The following LRRC8C variants were observed in gnomAD, a reference collection of about 807,000 sequenced individuals.
The protein encoded by LRRC8C is volume-regulated anion channel subunit LRRC8C.
A neutral mutation model predicts 55.3 loss-of-function variants in LRRC8C; 20 were observed. The observed-to-expected ratio is 0.36, with a 90% CI of 0.25 to 0.53. The LOEUF is 0.53. Among genes scored for constraint, LRRC8C ranks in the 20% least tolerant of loss-of-function variants. LRRC8C has a pLI of 0.92. For synonymous variants in LRRC8C, 376 were observed against 360.7 expected (o/e 1.04, Z -0.48); for missense variants, 659 against 951.4 (o/e 0.69, Z 4.04).
At chr1:89,703,878 A>G (rs1658400181) in intron 2 of LRRC8C, among the ~76,000 whole-genome samples, 1 of 152,112 alleles carries the variant, frequency 6.6e-6, no homozygotes, top group South Asian at 2.1e-4. Flanking sequence ...GAGTGAGCAA[A>G]ATAATGGATT....
At chr1:89,636,199 G>A (rs1402928349) in intron 1 of LRRC8C, among the ~76,000 whole-genome samples, 1 of 152,208 alleles carries the variant, frequency 6.6e-6, no homozygotes, top group African/African-American at 2.4e-5. Context: ...AATAGTGCAT[G>A]TAAAGGACAG....
At chr1:89,622,116 A>C in the LRRC8C span, among the ~76,000 whole-genome samples, 2 of 152,164 alleles carry the variant, frequency 1.3e-5, no homozygotes, top group Non-Finnish European at 2.9e-5. Context: ...GCAGTTTAAA[A>C]TACTGTGATG....
chr1:89,712,844 A>G lies in LRRC8C; in HGVS notation c.274A>G (p.Ile92Val). 1 of 1,614,098 alleles carries G rather than the reference A, an allele frequency of 6.2e-7. No individual in the cohort carries two copies. Among genetic ancestry groups the G allele is most frequent in the East Asian group, 2.2e-5 (1 of 44,882 alleles). ...PPPKPSPANP[I>V]TVEMKGLKTD... ...ACCTAAACCATCTCCTGCTAACCCC[A>G]TCACTGTGGAAATGAAAGGCCTGAA... The change falls in exon 3 of 3, where the codon ATC becomes GTC. Residue 92 changes from isoleucine to valine, a missense_variant. Ile to Val is a conservative substitution (Grantham distance 29). Around this residue, in one of 5 missense-constraint regions of LRRC8C, gnomAD observed 82 missense variants for 71.4 expected, o/e 1.15. Transcript: ENST00000370454.
intron 1 of LRRC8C, among the ~76,000 whole-genome samples, chr1:89,674,237 C>G (rs12119160): frequency 0.012 from 1,847 of 152,156 alleles, 15 homozygotes; most frequent in Non-Finnish European, 0.02. Flanking sequence ...TATAGATGTT[C>G]GGCACAATGT....
upstream of LRRC8C, among the ~76,000 whole-genome samples, chr1:89,629,074 C>T (rs997196969): frequency 2.0e-5 from 3 of 152,196 alleles, no homozygotes; most frequent in Admixed American, 2.0e-4. Flanking sequence ...CCACATTTGA[C>T]ATTACCTCTC....
chr1:89,659,820 T>C (rs1206392610), intron 1 of LRRC8C, among the ~76,000 whole-genome samples: 2 of 152,156 alleles, frequency 1.3e-5, no homozygotes, highest in Non-Finnish European at 2.9e-5. Context: ...TGCAAAAGTG[T>C]TACTGCTCAG....
intron 1 of LRRC8C, among the ~76,000 whole-genome samples, chr1:89,652,889 G>A (rs1255789685): frequency 6.6e-6 from 1 of 152,146 alleles, no homozygotes; most frequent in Non-Finnish European, 1.5e-5. Context: ...AGGAGGTGGG[G>A]AGACACAGAT....
At chr1:89,640,621 A>G (rs1462118295) in intron 1 of LRRC8C, among the ~76,000 whole-genome samples, 1 of 152,200 alleles carries the variant, frequency 6.6e-6, no homozygotes, top group Non-Finnish European at 1.5e-5. Flanking sequence ...GCTTATCAGT[A>G]AAGTTAGGAG....
intron 1 of LRRC8C, among the ~76,000 whole-genome samples, chr1:89,641,846 TG>T (rs1239272554): frequency 2.0e-5 from 3 of 152,250 alleles, no homozygotes; most frequent in African/African-American, 7.2e-5. Context: ...TTTATGGTCC[TG>T]GGCTTCTATA....
In LRRC8C at chr1:89,697,011, GA is replaced by G. The variant is rs558054098; in HGVS notation, c.138+10409del. 5.5e-3 allele frequency among the ~76,000 whole-genome samples: 832 copies of G among 150,870 alleles called. 2 individuals are homozygous for G. The highest frequency in any genetic ancestry group is 0.019 in the African/African-American group (800 of 41,168). On this transcript the variant is annotated intron_variant, in intron 2 of 2. Coordinates refer to ENST00000370454, the MANE Select transcript of LRRC8C (RefSeq NM_032270.5). The stretch of plus-strand genomic sequence containing the variant: ...ACTTCTAAAAATTATAATAATGATT[GA>G]AAAAAAAATCACTTGCCATCCAGCA...
intron 1 of LRRC8C, among the ~76,000 whole-genome samples, chr1:89,661,655 G>A (rs1280003807): frequency 6.6e-6 from 1 of 152,146 alleles, no homozygotes; most frequent in Non-Finnish European, 1.5e-5. Context: ...TTTGCAAATT[G>A]GGCAAAAATT....
chr1:89,640,415 T>G (rs1480758064), intron 1 of LRRC8C, among the ~76,000 whole-genome samples: 1 of 152,228 alleles, frequency 6.6e-6, no homozygotes, highest in Non-Finnish European at 1.5e-5. Flanking sequence ...TACTAACTAG[T>G]CTTTTTCAAA....
At chr1:89,684,743 T>A (rs1486251696) in intron 1 of LRRC8C, among the ~76,000 whole-genome samples, 2 of 152,228 alleles carry the variant, frequency 1.3e-5, no homozygotes, top group Admixed American at 1.3e-4. Flanking sequence ...TGAGCTTTTG[T>A]GCAGTTTGCC....
rs2101329547 is a variant in LRRC8C at position 89,702,123 on chromosome 1, C to G, written c.139-10586C>G. On this transcript the variant is annotated intron_variant, in intron 2 of 2. Transcript: ENST00000370454. The stretch of plus-strand genomic sequence containing the variant: ...CTGAGTCAGCCTGTCCACTGTCTTG[C>G]AGACTGACTCTGTGAGGCCTGACAT... 1.3e-5 allele frequency among the ~76,000 whole-genome samples: 2 copies of G among 152,182 alleles called. 1 individual carries two copies. The highest frequency in any genetic ancestry group is 4.2e-4 in the South Asian group (2 of 4,812).
chr1:89,670,377 T>G (rs1438218809), intron 1 of LRRC8C, among the ~76,000 whole-genome samples: 1 of 152,198 alleles, frequency 6.6e-6, no homozygotes, highest in African/African-American at 2.4e-5. Flanking sequence ...CTCTTCGAAG[T>G]TGATGCCCTT....
At chr1:89,678,592 C>T (rs1657612894) in intron 1 of LRRC8C, among the ~76,000 whole-genome samples, 2 of 151,252 alleles carry the variant, frequency 1.3e-5, no homozygotes, top group South Asian at 4.2e-4. Flanking sequence ...CCCAGCTACT[C>T]GGGAGACTGA....
Position 89,707,851 on chromosome 1 carries a change from A to T in LRRC8C, c.139-4858A>T, listed in dbSNP as rs529455476. Among the ~76,000 whole-genome samples, 4 of 152,020 alleles carry T rather than the reference A, an allele frequency of 2.6e-5. No homozygotes were observed. In the South Asian group the frequency reaches 8.3e-4, roughly 32 times the overall value. On this transcript the variant is annotated intron_variant, in intron 2 of 2. Transcript: ENST00000370454. ...TCCTACTTCCAAGCCTGTTCACTCC[A>T]ATGTAAAGTAGGCAGTTTAGCTGTC...
At position 89,712,799 on chromosome 1, in the gene LRRC8C, A is replaced by C. The variant is rs370106937; in HGVS notation, c.229A>C (p.Ser77Arg). 8.1e-6 allele frequency: 13 copies of C among 1,614,092 alleles called. No homozygotes were observed. Among genetic ancestry groups the C allele is most frequent in the Non-Finnish European group, 1.1e-5 (13 of 1,180,042 alleles). Residue 77 changes from serine (S) to arginine (R), a missense_variant, in exon 3 of 3, where the codon AGT becomes CGT. Ser to Arg is a moderately radical substitution (Grantham distance 110). Coordinates refer to ENST00000370454, the MANE Select transcript of LRRC8C (RefSeq NM_032270.5). ...TTCGAATGTCTCTCAAGCAGTTGCC[A>C]GTACCACTCCACTGCCTCCACCTAA... The part of the protein sequence containing the change: ...SLSNVSQAVA[S>R]TTPLPPPKPS...
chr1:89,684,232 G>T (rs763694666), intron 1 of LRRC8C, among the ~76,000 whole-genome samples: 1 of 152,118 alleles, frequency 6.6e-6, no homozygotes, highest in Non-Finnish European at 1.5e-5. Flanking sequence ...CTCTATATTG[G>T]TGCATTTTAT....
Sources: allele counts gnomAD v4.1 joint callset (sites outside exome capture counted in the v4.1 genomes callset), GRCh38; gene constraint gnomAD v4.1.1; regional missense constraint gnomAD v4.1.1; transcripts MANE v1.5; gene names NCBI Gene and HGNC (gene_info 2026-07-23, HGNC 2026-07-21).